DCDC1: variants seen among roughly 807,000 people sequenced by gnomAD.
The protein encoded by DCDC1 is doublecortin domain containing 1.
Under a neutral mutation model 178.3 loss-of-function variants are expected in DCDC1, and 200 were observed. The ratio of observed to expected loss-of-function variants is 1.12; its 90% CI spans 1.00 to 1.26. DCDC1 has a LOEUF of 1.26. DCDC1 is among the 50% of genes most tolerant of loss of function. DCDC1 has a pLI of 0.00. For synonymous variants in DCDC1, 690 were observed against 604.8 expected, an observed-to-expected ratio of 1.14 and a Z score of -2.07; for missense variants, 1,983 against 1,749.2, an observed-to-expected ratio of 1.13 and a Z score of -2.38.
At chr11:30,943,063 G>GC (rs1947766449) in intron 21 of DCDC1, 1 of 152,036 alleles carries the variant, frequency 6.6e-6, no homozygotes, top group Non-Finnish European at 1.5e-5. Context: ...CATTTTCTCA[G>GC]TTGGAATTCT....
intron 9 of DCDC1, among the ~76,000 whole-genome samples, chr11:31,146,992 C>T (rs1444231433): frequency 1.3e-5 from 2 of 152,110 alleles, no homozygotes; most frequent in African/African-American, 2.4e-5. Flanking sequence ...TAGCTTCTTC[C>T]TGTGTCTCAA....
intron 12 of DCDC1, among the ~76,000 whole-genome samples, chr11:31,109,013 C>G (rs375234675): frequency 1.3e-5 from 2 of 152,212 alleles, no homozygotes; most frequent in East Asian, 3.9e-4. Context: ...TATAATGCCC[C>G]TAATTAATGT....
chr11:31,063,740 CA>C (rs1956093059), intron 20 of DCDC1, among the ~76,000 whole-genome samples: 1 of 151,890 alleles, frequency 6.6e-6, no homozygotes, highest in Non-Finnish European at 1.5e-5. Flanking sequence ...TTAATTAAAT[CA>C]AATAAATTTA....
At chr11:31,334,043 A>G (rs1288199037) in intron 2 of DCDC1, among the ~76,000 whole-genome samples, 2 of 152,182 alleles carry the variant, frequency 1.3e-5, no homozygotes, top group Non-Finnish European at 2.9e-5. Flanking sequence ...GTCTTTTCAC[A>G]TAGTCCCATA....
At chr11:30,952,072 AGT>A (rs1307856426) in intron 21 of DCDC1, among the ~76,000 whole-genome samples, 4 of 152,156 alleles carry the variant, frequency 2.6e-5, no homozygotes, top group Non-Finnish European at 5.9e-5. Context: ...ACCAAAAGAA[AGT>A]TGGAATGTTT....
Position 31,306,295 on chromosome 11 carries a change from T to C in DCDC1, c.528A>G (p.Val176=), listed in dbSNP as rs750297634. 27 of 1,610,976 alleles carry C rather than the reference T, an allele frequency of 1.7e-5. 1 individual carries two copies. In the Admixed American group the frequency reaches 3.0e-4, roughly 18 times the overall value. Residue 176 remains valine (V), a synonymous_variant, in exon 5 of 39, where the codon GTA becomes GTG. Coordinates refer to ENST00000684477, the MANE Select transcript of DCDC1 (RefSeq NM_001387274.1). ...TTCTAGATCCATTTTTGTAAGCTGT[T>C]ACTTTAATCACTCTTGGTTGAAGTT... ...RHKLQPRVIK[V]TAYKNGSRTV... is the part of the protein sequence containing the mutation.
Position 31,290,816 on chromosome 11 carries a change from A to G in DCDC1, c.791T>C (p.Met264Thr), listed in dbSNP as rs1375557956. 9 of 1,613,164 alleles carry G rather than the reference A, an allele frequency of 5.6e-6. No individual in the cohort carries two copies. In the Admixed American group the frequency reaches 1.5e-4, roughly 27 times the overall value. The change falls in exon 7 of 39, where the codon ATG (methionine) becomes ACG (threonine). Residue 264 changes from methionine to threonine, a missense_variant. Coordinates refer to ENST00000684477, the MANE Select transcript of DCDC1 (RefSeq NM_001387274.1). Reference sequence around the variant, plus strand: ...ATCAGTAGGAAGCATCAACCCATTCATTGTCCAAGTTACTTTCTTAATTAA... The same window carrying G: ...ATCAGTAGGAAGCATCAACCCATTCGTTGTCCAAGTTACTTTCTTAATTAA... ...LLLIKKVTWT[M>T]NGLMLPTDIK...
intron 20 of DCDC1, among the ~76,000 whole-genome samples, chr11:30,986,939 C>T (rs1017730074): frequency 2.0e-5 from 3 of 152,144 alleles, no homozygotes; most frequent in Non-Finnish European, 4.4e-5. Context: ...GTGAAAATAA[C>T]TCCTACTGTC....
chr11:31,260,966 C>G (rs1944742189), intron 8 of DCDC1, among the ~76,000 whole-genome samples: 1 of 152,110 alleles, frequency 6.6e-6, no homozygotes, highest in South Asian at 2.1e-4. Context: ...TTGTCCTAAA[C>G]AAAGGAAGCC....
At chr11:31,200,283 T>C (rs1246116360) in intron 9 of DCDC1, among the ~76,000 whole-genome samples, 1 of 152,100 alleles carries the variant, frequency 6.6e-6, no homozygotes, top group Non-Finnish European at 1.5e-5. Context: ...ATTGAAATTT[T>C]ACACATCAGA....
chr11:31,356,882 A>C (rs1951404728), intron 1 of DCDC1, among the ~76,000 whole-genome samples: 1 of 152,148 alleles, frequency 6.6e-6, no homozygotes, highest in African/African-American at 2.4e-5. Flanking sequence ...CCAAGACTAA[A>C]CCAGGAAGAA....
intron 20 of DCDC1, among the ~76,000 whole-genome samples, chr11:30,961,450 T>C (rs1949093217): frequency 6.6e-6 from 1 of 152,048 alleles, no homozygotes; most frequent in South Asian, 2.1e-4. Flanking sequence ...ATAAGCAGTG[T>C]CTAACAAACA....
At chr11:30,943,845 T>A (rs1947827002) in intron 21 of DCDC1, 3 of 301,180 alleles carry the variant, frequency 1.0e-5, no homozygotes, top group South Asian at 9.2e-5. Flanking sequence ...CAGCATGAAA[T>A]CAGTTCTCAA....
rs540702946 is a variant in DCDC1 at position 31,309,302 on chromosome 11, G to C, written c.165-1394C>G. 3.3e-5 allele frequency among the ~76,000 whole-genome samples: 5 copies of C among 152,002 alleles called. No homozygotes were observed. In the South Asian group the frequency reaches 1.0e-3, roughly 32 times the overall value. On this transcript the variant is annotated intron_variant, in intron 3 of 38. Transcript: ENST00000684477. ...AGACTGAGTACAGTACTGGGGAGAG[G>C]AGCAGCCTTCCCTACACATTGGATA...
chr11:31,293,991 G>A (rs531654990), intron 6 of DCDC1, among the ~76,000 whole-genome samples: 5 of 152,118 alleles, frequency 3.3e-5, no homozygotes, highest in Non-Finnish European at 7.4e-5. Context: ...CCACTCTCTC[G>A]GCGAGACCTT....
intron 20 of DCDC1, among the ~76,000 whole-genome samples, chr11:30,973,673 A>C (rs967174439): frequency 4.6e-5 from 7 of 152,216 alleles, no homozygotes; most frequent in Non-Finnish European, 1.0e-4. Flanking sequence ...TATAATGATA[A>C]AGTGATCAAT....
At chr11:30,884,221 G>A (rs2133991898) in intron 36 of DCDC1, among the ~76,000 whole-genome samples, 1 of 151,924 alleles carries the variant, frequency 6.6e-6, no homozygotes, top group East Asian at 1.9e-4. Context: ...TGTAGAGACA[G>A]GGTTTCACCA....
intron 38 of DCDC1, among the ~76,000 whole-genome samples, chr11:30,872,027 C>T (rs947763036): frequency 1.3e-5 from 2 of 151,926 alleles, no homozygotes; most frequent in Non-Finnish European, 2.9e-5. Context: ...TAAGCTTGTT[C>T]AAGTTATATA....
chr11:30,927,461 G>A (rs1220867750), intron 22 of DCDC1, among the ~76,000 whole-genome samples: 9 of 152,072 alleles, frequency 5.9e-5, no homozygotes, highest in South Asian at 2.1e-4. Flanking sequence ...ATCCTACACC[G>A]GTTGATGTTA....
Sources: gnomAD v4.1 joint callset for allele counts (sites outside exome capture counted in the v4.1 genomes callset) on GRCh38, gnomAD v4.1.1 for gene constraint, MANE v1.5 for transcripts, NCBI Gene and HGNC (gene_info 2026-07-23, HGNC 2026-07-21) for gene names.